The following TRIM16 variants were observed in gnomAD, a reference collection of about 807,000 sequenced individuals.
TRIM16 encodes the protein tripartite motif-containing protein 16.
A neutral mutation model predicts 50.4 loss-of-function variants in TRIM16; 33 were observed. The observed-to-expected ratio is 0.65, with a 90% CI of 0.50 to 0.88. The LOEUF (loss-of-function observed/expected upper bound fraction) is 0.88, where lower values mean the gene tolerates loss of function less well. TRIM16 is among the 40% of genes least tolerant of loss of function. TRIM16 has a pLI of 0.00. For missense variants in TRIM16, 581 were observed against 686.8 expected (o/e 0.85, Z 1.72); for synonymous variants, 229 against 270.7 (o/e 0.85, Z 1.51).
rs767578705 is a variant in TRIM16, at chr17:15,651,387, C to T, written c.223G>A (p.Val75Ile). 1.2e-6 allele frequency: 2 copies of T among 1,614,102 alleles called. No homozygotes were observed. The highest frequency in any genetic ancestry group is 2.7e-5 in the African/African-American group (2 of 74,950). ...TCATCAAGGCAGAAGTCACACAGGACCTCTTTCCCCTCACCAGCAGGATCC... is the reference window on the plus strand; with the variant it reads ...TCATCAAGGCAGAAGTCACACAGGATCTCTTTCCCCTCACCAGCAGGATCC... ...QGDPAGEGKE[V>I]LCDFCLDDTR... The change falls in exon 7 of 12, where the codon GTC becomes ATC. Residue 75 changes from valine to isoleucine, a missense_variant. Physicochemically the swap from Val to Ile is conservative, Grantham distance 29 (BLOSUM62 3). Around this residue, in one of 3 missense-constraint regions of TRIM16, gnomAD observed 450 missense variants for 544.3 expected, o/e 0.83. Coordinates refer to ENST00000649191, the MANE Select transcript of TRIM16 (RefSeq NM_001348119.1).
chr17:15,658,090 A>C (rs1305074665), intron 6 of TRIM16, among the ~76,000 whole-genome samples: 2 of 152,246 alleles, frequency 1.3e-5, no homozygotes, highest in Non-Finnish European at 2.9e-5. Context: ...AAATGCTACC[A>C]AGATATGTGG....
intron 6 of TRIM16, among the ~76,000 whole-genome samples, chr17:15,669,599 C>A (rs1988640963): frequency 1.3e-5 from 2 of 152,008 alleles, no homozygotes; most frequent in South Asian, 4.1e-4. Context: ...GATTCTGTCA[C>A]AAAGAATATT....
chr17:15,657,337 A>G (rs1048658963), intron 6 of TRIM16, among the ~76,000 whole-genome samples: 1 of 152,060 alleles, frequency 6.6e-6, no homozygotes, highest in East Asian at 1.9e-4. Flanking sequence ...CCTGGGCTCA[A>G]GTGATCCTCC....
At chr17:15,662,056 G>A (rs1296806805) in intron 6 of TRIM16, among the ~76,000 whole-genome samples, 3 of 152,190 alleles carry the variant, frequency 2.0e-5, no homozygotes, top group African/African-American at 7.2e-5. Context: ...ATGCACTCCA[G>A]CTCCCAGGAT....
intron 7 of TRIM16, among the ~76,000 whole-genome samples, chr17:15,645,727 GCTGCAGGCAGAGGACTCGCCTCTCCAGGA>G (rs1351779577): frequency 6.6e-6 from 1 of 152,252 alleles, no homozygotes; most frequent in Admixed American, 6.5e-5. Flanking sequence ...GAGGGAAGCA[GCTGCAGGCAGAGGACTCGCCTCTCCAGGA>G]CACTGCAGAA....
chr17:15,676,884 A>T (rs1988974703), intron 6 of TRIM16, among the ~76,000 whole-genome samples: 1 of 152,176 alleles, frequency 6.6e-6, no homozygotes, highest in African/African-American at 2.4e-5. Flanking sequence ...GGACAGAGTA[A>T]ATGAAGAAGT....
intron 6 of TRIM16, among the ~76,000 whole-genome samples, chr17:15,652,548 C>T (rs1375207503): frequency 3.4e-5 from 5 of 147,846 alleles, no homozygotes; most frequent in African/African-American, 5.0e-5. Flanking sequence ...CTGCAACCTC[C>T]GCCTCCTGGG....
chr17:15,660,897 C>CAAAAAAAAAA (rs550489491), intron 6 of TRIM16, among the ~76,000 whole-genome samples: 14 of 60,092 alleles, frequency 2.3e-4, no homozygotes, highest in Admixed American at 5.9e-4. Context: ...GACTCCATCT[C>CAAAAAAAAAA]AAAAAAAAAA....
chr17:15,651,737 T>A lies in TRIM16; in HGVS notation c.-128A>T. On this transcript the variant is annotated 5_prime_UTR_variant, in exon 7 of 12. Coordinates refer to ENST00000649191, the MANE Select transcript of TRIM16 (RefSeq NM_001348119.1). ...TGCAAGATTTTAACTGTTTCCTCCC[T>A]CCCAGAGGAAGCTCGGCCACTCATT... The A allele has an allele frequency of 6.6e-7, 1 of 1,524,230 alleles. No individual in the cohort carries two copies. Among genetic ancestry groups the A allele is most frequent in the Non-Finnish European group, 8.8e-7 (1 of 1,141,440 alleles). The allele number at this position is 1,524,230 out of a possible 1,614,324, so 94.4% of individuals were successfully genotyped here.
chr17:15,676,243 C>T (rs9909397), intron 6 of TRIM16, among the ~76,000 whole-genome samples: 2,825 of 152,100 alleles, frequency 0.019, 97 homozygotes, highest in African/African-American at 0.065. Context: ...CCAAATGTCC[C>T]CCGGGGGGCA....
chr17:15,630,966 C>T (rs984860585), intron 11 of TRIM16, among the ~76,000 whole-genome samples: 1 of 152,204 alleles, frequency 6.6e-6, no homozygotes, highest in African/African-American at 2.4e-5. Context: ...GGATGTTCAA[C>T]AATACGAGGG....
intron 8 of TRIM16, among the ~76,000 whole-genome samples, chr17:15,638,056 C>A (rs1294175399): frequency 7.7e-6 from 1 of 130,000 alleles, no homozygotes; most frequent in Admixed American, 7.4e-5. Flanking sequence ...GCAGCATGCT[C>A]GTTAAGAGTC....
intron 11 of TRIM16, among the ~76,000 whole-genome samples, chr17:15,630,657 A>T (rs909344973): frequency 3.3e-5 from 5 of 151,206 alleles, no homozygotes; most frequent in African/African-American, 7.3e-5. Context: ...ATTGTTTAAA[A>T]ATTTTTTTTT....
chr17:15,639,585 G>A (rs1201121470), intron 8 of TRIM16, among the ~76,000 whole-genome samples: 1 of 149,120 alleles, frequency 6.7e-6, no homozygotes, highest in African/African-American at 2.5e-5. Context: ...AGGCTATCTG[G>A]TTTTGTGGCT....
In TRIM16 at chr17:15,636,532, G is replaced by A. The variant is rs564836677; in HGVS notation, c.616-263C>T. Reference sequence around the variant, plus strand: ...AGATCCCTCACAACTCTGACACTCCGGGATTGTTAGTCAAGTTTCCGAAAT... The same window carrying A: ...AGATCCCTCACAACTCTGACACTCCAGGATTGTTAGTCAAGTTTCCGAAAT... On this transcript the variant is annotated intron_variant, in intron 8 of 11. Transcript: ENST00000649191. Among the ~76,000 whole-genome samples, 8 of 149,102 alleles carry A rather than the reference G, an allele frequency of 5.4e-5. 1 individual carries two copies. Among genetic ancestry groups the A allele is most frequent in the South Asian group, 4.4e-4 (2 of 4,578 alleles).
At chr17:15,682,654 C>T (rs999769296) in intron 3 of TRIM16, among the ~76,000 whole-genome samples, 200 bp downstream of exon 3, 1 of 152,226 alleles carries the variant, frequency 6.6e-6, no homozygotes, top group Non-Finnish European at 1.5e-5. Flanking sequence ...CTCCCATGTG[C>T]TATAATGCCA....
chr17:15,630,786 C>A (rs1006829990), intron 11 of TRIM16, among the ~76,000 whole-genome samples: 5 of 150,598 alleles, frequency 3.3e-5, no homozygotes, highest in African/African-American at 1.2e-4. Flanking sequence ...AGCCACTGTA[C>A]CCCAGTCTGG....
At chr17:15,676,785 CA>C (rs1988970545) in intron 6 of TRIM16, among the ~76,000 whole-genome samples, 1 of 152,148 alleles carries the variant, frequency 6.6e-6, no homozygotes, top group Non-Finnish European at 1.5e-5. Context: ...ATCTACACAA[CA>C]AATTATGTCA....
At chr17:15,663,208 C>A (rs1988321184) in intron 6 of TRIM16, among the ~76,000 whole-genome samples, 2 of 152,084 alleles carry the variant, frequency 1.3e-5, no homozygotes, top group East Asian at 3.8e-4. Flanking sequence ...CCATTTGTCC[C>A]AGTCTGGCCT....
Sources: gnomAD v4.1 joint callset for allele counts (sites outside exome capture counted in the v4.1 genomes callset) on GRCh38, gnomAD v4.1.1 for gene constraint, gnomAD v4.1.1 regional missense constraint, MANE v1.5 for transcripts, NCBI Gene and HGNC (gene_info 2026-07-23, HGNC 2026-07-21) for gene names.